The following CSMD1 variants were observed in gnomAD, a reference collection of about 807,000 sequenced individuals.
CSMD1 encodes CUB and sushi domain-containing protein 1.
A neutral mutation model predicts 417.5 loss-of-function variants in CSMD1; 213 were observed. That is an observed-to-expected ratio of 0.51 (90% CI 0.46 to 0.57). The LOEUF (loss-of-function observed/expected upper bound fraction) is 0.57, where lower values mean the gene tolerates loss of function less well. Ranked by LOEUF, CSMD1 falls within the 20% of genes least tolerant of loss-of-function variation. The probability of loss-of-function intolerance (pLI) is 0.00; values close to 1 mark genes in which losing one functional copy is unlikely to be tolerated. For synonymous variants in CSMD1, 2,862 were observed against 1,736.8 expected (o/e 1.65, Z -16.11); for missense variants, 6,923 against 4,529.7 (o/e 1.53, Z -15.17).
At chr8:4,749,662 A>G (rs1811179244) in intron 1 of CSMD1, among the ~76,000 whole-genome samples, 2 of 152,180 alleles carry the variant, frequency 1.3e-5, no homozygotes, top group African/African-American at 4.8e-5. Flanking sequence ...CAGTTTAGTA[A>G]TTTTTAATTT....
At chr8:4,219,784 T>C (rs2128807528) in intron 3 of CSMD1, among the ~76,000 whole-genome samples, 1 of 152,326 alleles carries the variant, frequency 6.6e-6, no homozygotes, top group African/African-American at 2.4e-5. Context: ...TGTCACCAGA[T>C]AGCCATTATG....
chr8:3,046,232 G>A (rs1241948291), intron 50 of CSMD1, among the ~76,000 whole-genome samples: 5 of 152,304 alleles, frequency 3.3e-5, no homozygotes, highest in Admixed American at 6.5e-5. Context: ...GGTTTCAGGC[G>A]CTCAGGTGGT....
At chr8:4,301,956 T>C (rs1263820673) in intron 3 of CSMD1, among the ~76,000 whole-genome samples, 1 of 152,222 alleles carries the variant, frequency 6.6e-6, no homozygotes, top group East Asian at 1.9e-4. Flanking sequence ...GCCTTATCCT[T>C]CTTAGTGCCT....
At chr8:3,075,195 C>T (rs554339730) in intron 49 of CSMD1, among the ~76,000 whole-genome samples, 4 of 152,082 alleles carry the variant, frequency 2.6e-5, no homozygotes, top group Admixed American at 6.6e-5. Context: ...CCTGTCCAGC[C>T]GGAGAAACTG....
intron 2 of CSMD1, among the ~76,000 whole-genome samples, chr8:4,610,279 T>C (rs754130744): frequency 2.6e-5 from 4 of 152,206 alleles, no homozygotes; most frequent in African/African-American, 7.2e-5. Flanking sequence ...AAACTGACTA[T>C]TGGATCCATG....
At chr8:3,658,369 ACT>A (rs904690709) in intron 7 of CSMD1, among the ~76,000 whole-genome samples, 1 of 151,176 alleles carries the variant, frequency 6.6e-6, no homozygotes, top group Non-Finnish European at 1.5e-5. Flanking sequence ...AATAAGAATT[ACT>A]CTTTTTATTT....
chr8:3,511,505 T>G (rs895298227), intron 10 of CSMD1, among the ~76,000 whole-genome samples: 1 of 151,640 alleles, frequency 6.6e-6, no homozygotes, highest in African/African-American at 2.4e-5. Context: ...CTGTAATCCC[T>G]GCACTTTGGG....
chr8:3,455,104 C>A (rs551642270), intron 12 of CSMD1, among the ~76,000 whole-genome samples: 4 of 152,178 alleles, frequency 2.6e-5, no homozygotes, highest in East Asian at 1.9e-4. Context: ...TCGATCGAAT[C>A]GGCTACTGAG....
At chr8:4,099,417 T>G (rs368950522) in intron 3 of CSMD1, among the ~76,000 whole-genome samples, 4 of 152,254 alleles carry the variant, frequency 2.6e-5, no homozygotes, top group African/African-American at 9.6e-5. Flanking sequence ...TTCTAAAGCC[T>G]TGCAATGCCA....
intron 7 of CSMD1, among the ~76,000 whole-genome samples, chr8:3,668,176 C>A (rs920864392): frequency 6.6e-6 from 1 of 152,116 alleles, no homozygotes; most frequent in Non-Finnish European, 1.5e-5. Context: ...GGGCTGACCT[C>A]TGAGATATGT....
chr8:3,047,288 G>A (rs1038461149), intron 50 of CSMD1, among the ~76,000 whole-genome samples: 24 of 150,350 alleles, frequency 1.6e-4, no homozygotes, highest in Non-Finnish European at 3.1e-4. Flanking sequence ...TCTCGCCCCA[G>A]CCATCTCTTC....
At chr8:4,373,974 C>T (rs1267490564) in intron 3 of CSMD1, among the ~76,000 whole-genome samples, 4 of 152,106 alleles carry the variant, frequency 2.6e-5, no homozygotes, top group Non-Finnish European at 5.9e-5. Context: ...TTGATATATA[C>T]CATTAACGGA....
chr8:4,276,463 A>T (rs1006574383), intron 3 of CSMD1, among the ~76,000 whole-genome samples: 1 of 152,116 alleles, frequency 6.6e-6, no homozygotes, highest in African/African-American at 2.4e-5. Context: ...ATCACACACC[A>T]GGGCCTGTCA....
chr8:4,923,775 A>T (rs1009879599), intron 1 of CSMD1, among the ~76,000 whole-genome samples: 2 of 152,158 alleles, frequency 1.3e-5, no homozygotes, highest in African/African-American at 4.8e-5. Context: ...ATATATCTCC[A>T]AGATTCAGTG....
chr8:3,892,017 G>A (rs922828370), intron 5 of CSMD1, among the ~76,000 whole-genome samples: 7 of 89,464 alleles, frequency 7.8e-5, no homozygotes, highest in Non-Finnish European at 1.3e-4. Flanking sequence ...CAACATGATA[G>A]TCGCAAACAA....
At chr8:4,603,306 G>A (rs966742824) in intron 2 of CSMD1, among the ~76,000 whole-genome samples, 10 of 151,236 alleles carry the variant, frequency 6.6e-5, no homozygotes, top group African/African-American at 2.2e-4. Context: ...TTCCTTTTTT[G>A]TATTCAACTC....
At chr8:4,080,409 T>C (rs994180792) in intron 3 of CSMD1, among the ~76,000 whole-genome samples, 3 of 152,244 alleles carry the variant, frequency 2.0e-5, no homozygotes, top group African/African-American at 7.2e-5. Flanking sequence ...CAAAATGTAC[T>C]GGTGAGTAAT....
At chr8:4,759,306 G>C (rs999670522) in intron 1 of CSMD1, among the ~76,000 whole-genome samples, 1 of 152,172 alleles carries the variant, frequency 6.6e-6, no homozygotes, top group Non-Finnish European at 1.5e-5. Context: ...CAAGCCAAGA[G>C]GGCATCTGGT....
intron 21 of CSMD1, among the ~76,000 whole-genome samples, chr8:3,350,710 CTATA>C (rs1481238781): frequency 6.6e-6 from 1 of 151,984 alleles, no homozygotes; most frequent in Non-Finnish European, 1.5e-5. Context: ...AGGACATTAG[CTATA>C]TAATCATTTC....
Sources: allele counts gnomAD v4.1 joint callset (sites outside exome capture counted in the v4.1 genomes callset), GRCh38; gene constraint gnomAD v4.1.1; transcripts MANE v1.5; gene names NCBI Gene and HGNC (gene_info 2026-07-23, HGNC 2026-07-21).